CLTA: variants seen among roughly 807,000 people sequenced by gnomAD.
CLTA encodes the protein clathrin light chain A.
A neutral mutation model predicts 26.9 loss-of-function variants in CLTA; 9 were observed. The ratio of observed to expected loss-of-function variants is 0.33; its 90% CI spans 0.20 to 0.58. CLTA has a LOEUF of 0.58. Among genes scored for constraint, CLTA ranks in the 20% least tolerant of loss-of-function variants. The pLI, the probability that CLTA is intolerant of heterozygous loss-of-function variation, is 0.85. For missense variants in CLTA, 278 were observed against 294.2 expected (o/e 0.94, Z 0.40); for synonymous variants, 120 against 115.5 (o/e 1.04, Z -0.25).
intron 1 of CLTA, among the ~76,000 whole-genome samples, chr9:36,192,252 A>G (rs1025189001): frequency 6.6e-6 from 1 of 152,234 alleles, no homozygotes; most frequent in African/African-American, 2.4e-5. Context: ...TTAAGGAGCC[A>G]GGTAGGTAAC....
intron 1 of CLTA, among the ~76,000 whole-genome samples, chr9:36,196,409 C>T (rs1051494335): frequency 4.7e-5 from 7 of 147,930 alleles, no homozygotes; most frequent in East Asian, 4.0e-4. Context: ...TGCAGTGGCG[C>T]GATCTTGGCT....
chr9:36,193,302 G>T (rs953120117), intron 1 of CLTA, among the ~76,000 whole-genome samples: 2 of 150,248 alleles, frequency 1.3e-5, no homozygotes, highest in Admixed American at 1.3e-4. Context: ...TTCTCTCTTA[G>T]TTTTCTTTTT....
chr9:36,210,800 C>T, intron 4 of CLTA: 2 of 950,742 alleles, frequency 2.1e-6, no homozygotes, highest in East Asian at 4.8e-5. Context: ...CCAGTCATCT[C>T]CATTGCTTTT....
At chr9:36,192,829 A>G (rs958236562) in intron 1 of CLTA, among the ~76,000 whole-genome samples, 4 of 152,208 alleles carry the variant, frequency 2.6e-5, no homozygotes, top group African/African-American at 9.7e-5. Flanking sequence ...TAGTGCGATA[A>G]CAGACAGGCA....
chr9:36,198,961 A>G lies in CLTA; in HGVS notation c.256-18A>G, dbSNP rs1188243777. The G allele has an allele frequency of 8.3e-6, 13 of 1,566,612 alleles. No homozygotes were observed. Among genetic ancestry groups the G allele is most frequent in the East Asian group, 2.2e-5 (1 of 44,598 alleles). ...GAATTTTTGGTATTAATATAGCACA[A>G]TTGTGTTTTGTGTTAAGGAAAGTAA... On this transcript the variant is annotated intron_variant, in intron 2 of 4. Transcript: ENST00000345519.
At chr9:36,198,235 T>G (rs544255573) in intron 2 of CLTA, among the ~76,000 whole-genome samples, 54 of 151,952 alleles carry the variant, frequency 3.6e-4, no homozygotes, top group Non-Finnish European at 6.5e-4. Flanking sequence ...TGGGCTCAAG[T>G]GACCATCCCG....
intron 3 of CLTA, among the ~76,000 whole-genome samples, chr9:36,201,112 G>A (rs895581389): frequency 2.6e-5 from 4 of 152,160 alleles, no homozygotes; most frequent in African/African-American, 9.7e-5. Context: ...TGGGTACTTG[G>A]GGAATACTCT....
intron 3 of CLTA, 117 bp downstream of exon 3, chr9:36,199,213 A>G (rs1563910927): frequency 5.4e-6 from 4 of 736,020 alleles, no homozygotes; most frequent in East Asian, 2.6e-5. Flanking sequence ...CTTTGGGAAG[A>G]TATCTTCTCA....
chr9:36,194,106 A>C (rs939015039), intron 1 of CLTA, among the ~76,000 whole-genome samples: 2 of 152,034 alleles, frequency 1.3e-5, no homozygotes, highest in African/African-American at 4.8e-5. Flanking sequence ...GTTCACTGCA[A>C]CCTCCGCCTC....
chr9:36,209,347 C>G (rs752159684), intron 4 of CLTA: 2 of 1,494,034 alleles, frequency 1.3e-6, no homozygotes, highest in Non-Finnish European at 1.9e-6. Context: ...ATTCCTTTTT[C>G]TACATCTGAT....
chr9:36,211,868 T>A lies in CLTA; in HGVS notation c.*94T>A. On this transcript the variant is annotated 3_prime_UTR_variant, in exon 5 of 5. Coordinates refer to ENST00000345519, the MANE Select transcript of CLTA (RefSeq NM_001833.4). ...TTGGATTAATTATGTTGAGTTCTTT[T>A]GGACCAAACCTTTTTGTCTTTAGAG... 9.3e-7 allele frequency: 1 copy of A among 1,080,146 alleles called. No homozygotes were observed. Among genetic ancestry groups the A allele is most frequent in the East Asian group, 2.5e-5 (1 of 39,860 alleles). The allele number at this position is 1,080,146 out of a possible 1,614,324, so 66.9% of individuals were successfully genotyped here.
At chr9:36,191,357 T>A in intron 1 of CLTA, 84 bp downstream of exon 1, 1 of 1,383,006 alleles carries the variant, frequency 7.2e-7, no homozygotes, top group Non-Finnish European at 9.4e-7. Context: ...GTGTGACTCG[T>A]GCTCCTTGCT....
chr9:36,199,856 GT>G (rs892556164), intron 3 of CLTA, among the ~76,000 whole-genome samples: 1 of 152,190 alleles, frequency 6.6e-6, no homozygotes, highest in African/African-American at 2.4e-5. Flanking sequence ...TAATATCTCT[GT>G]AAGGTAAGTT....
intron 4 of CLTA, among the ~76,000 whole-genome samples, chr9:36,205,971 A>T (rs1339864457): frequency 6.6e-6 from 1 of 152,090 alleles, no homozygotes; most frequent in Non-Finnish European, 1.5e-5. Context: ...TGTGTTAGCC[A>T]GGATGGTCTC....
At chr9:36,204,332 G>C (rs936170023) in intron 4 of CLTA, among the ~76,000 whole-genome samples, 153 bp downstream of exon 4, 1 of 152,158 alleles carries the variant, frequency 6.6e-6, no homozygotes, top group Non-Finnish European at 1.5e-5. Context: ...CAAGTCTCTC[G>C]GGTCTTGTGA....
rs756970598 is a variant in CLTA at position 36,190,964 on chromosome 9, G to A, written c.-93G>A. 51 of 1,448,210 alleles carry A rather than the reference G, an allele frequency of 3.5e-5. No homozygotes were observed. The highest frequency in any genetic ancestry group is 4.5e-5 in the Non-Finnish European group (50 of 1,110,156). The allele number at this position is 1,448,210 out of a possible 1,614,324, so 89.7% of individuals were successfully genotyped here. Reference sequence around the variant, plus strand: ...TCCTGGCGCTTGTCCTCCTCTCCCAGTCGGCACCACAGCGGTGGCTGCCGG... The same window carrying A: ...TCCTGGCGCTTGTCCTCCTCTCCCAATCGGCACCACAGCGGTGGCTGCCGG... On this transcript the variant is annotated 5_prime_UTR_variant, in exon 1 of 5. Coordinates refer to ENST00000345519, the MANE Select transcript of CLTA (RefSeq NM_001833.4).
intron 1 of CLTA, among the ~76,000 whole-genome samples, chr9:36,193,280 A>G (rs1280059107): frequency 1.3e-5 from 2 of 151,044 alleles, no homozygotes; most frequent in African/African-American, 4.9e-5. Flanking sequence ...TAGAGAACTG[A>G]TTGGACACTT....
chr9:36,191,930 A>G (rs760332916), intron 1 of CLTA, among the ~76,000 whole-genome samples: 6 of 152,202 alleles, frequency 3.9e-5, no homozygotes, highest in African/African-American at 7.2e-5. Flanking sequence ...TTGGTAGGCA[A>G]TATTGCCTAA....
intron 2 of CLTA, 63 bp downstream of exon 2, chr9:36,197,651 A>C: frequency 3.1e-6 from 4 of 1,309,172 alleles, no homozygotes; most frequent in Non-Finnish European, 4.4e-6. Flanking sequence ...CTGTGATTTT[A>C]ATTGACTGAC....
Sources: allele counts gnomAD v4.1 joint callset (sites outside exome capture counted in the v4.1 genomes callset), GRCh38; gene constraint gnomAD v4.1.1; transcripts MANE v1.5; gene names NCBI Gene and HGNC (gene_info 2026-07-23, HGNC 2026-07-21).